MOCS1: variants seen among roughly 807,000 people sequenced by gnomAD.
MOCS1 encodes molybdenum cofactor synthesis 1, also known as molybdenum cofactor biosynthesis protein 1.
Under a neutral mutation model 57.6 loss-of-function variants are expected in MOCS1, and 39 were observed. The observed-to-expected ratio is 0.68, with a 90% CI of 0.52 to 0.88. The LOEUF (loss-of-function observed/expected upper bound fraction) is 0.88, where lower values mean the gene tolerates loss of function less well. Ranked by LOEUF, MOCS1 falls within the 40% of genes least tolerant of loss-of-function variation. MOCS1 has a pLI of 0.00. For synonymous variants in MOCS1, 334 were observed against 335.7 expected (o/e 1.00, Z 0.05); for missense variants, 795 against 831.1 (o/e 0.96, Z 0.53).
intron 1 of MOCS1, among the ~76,000 whole-genome samples, chr6:39,929,697 T>C (rs1768542982): frequency 6.6e-6 from 1 of 151,854 alleles, no homozygotes; most frequent in Non-Finnish European, 1.5e-5. Context: ...TCCCAGCACT[T>C]TGGGAGGCCG....
At chr6:39,927,785 CA>C (rs1272179984) in intron 1 of MOCS1, 46 of 1,409,334 alleles carry the variant, frequency 3.3e-5, no homozygotes, top group Non-Finnish European at 3.7e-5. Context: ...TAGCCAGTGC[CA>C]AAAAAAGGAT....
In MOCS1 at chr6:39,906,373, TC is replaced by T. The variant is rs747994218; in HGVS notation, c.1894del (p.Asp632ThrfsTer24). 6.3e-7 allele frequency: 1 copy of T among 1,595,518 alleles called. No homozygotes were observed. The highest frequency in any genetic ancestry group is 8.6e-7 in the Non-Finnish European group (1 of 1,167,658). On this transcript the variant is annotated frameshift_variant, in exon 11 of 11. Transcript: ENST00000340692. LOFTEE classifies it high-confidence loss of function. ...GGGCAGGTGCTAAGCCCGATGGAAG[TC>T]CCCCCGCTGACCACCAGTCTTGCTA... is the stretch of plus-strand genomic sequence containing the variant. ...LISKTGGQRG[D>X]FHRA
chr6:39,920,432 C>A (rs910711001), intron 3 of MOCS1, among the ~76,000 whole-genome samples: 1 of 152,062 alleles, frequency 6.6e-6, no homozygotes, highest in East Asian at 1.9e-4. Flanking sequence ...AAACTGTATA[C>A]CAAGATATGT....
At chr6:39,916,754 C>T (rs1767680859) in intron 3 of MOCS1, among the ~76,000 whole-genome samples, 1 of 152,114 alleles carries the variant, frequency 6.6e-6, no homozygotes, top group Admixed American at 6.5e-5. Flanking sequence ...TCCATAATAG[C>T]ATTGGAAGGT....
At chr6:39,925,931 A>G in intron 2 of MOCS1, 86 bp from the exon 3 acceptor site, 1 of 1,426,184 alleles carries the variant, frequency 7.0e-7, no homozygotes, top group Non-Finnish European at 9.5e-7. Flanking sequence ...ACTCTCCATC[A>G]GGCCAAAGGC....
At chr6:39,931,862 C>A (rs1328860844) in intron 1 of MOCS1, among the ~76,000 whole-genome samples, 1 of 152,140 alleles carries the variant, frequency 6.6e-6, no homozygotes, top group African/African-American at 2.4e-5. Context: ...CTGCATGGAG[C>A]CTCAGAGGGA....
Position 39,905,189 on chromosome 6 carries a change from T to G in MOCS1, c.*1168A>C, listed in dbSNP as rs769329311. The G allele has an allele frequency of 2.9e-5, 13 of 454,194 alleles. No individual in the cohort carries two copies. Among genetic ancestry groups the G allele is most frequent in the African/African-American group, 6.0e-5 (3 of 50,004 alleles). 28.1% of individuals were successfully genotyped at this position (454,194 alleles called of 1,614,324 possible). A position where few individuals can be genotyped will look rare whatever the true frequency, so the allele number is the denominator to read the frequency against. On this transcript the variant is annotated 3_prime_UTR_variant, in exon 11 of 11. Coordinates refer to ENST00000340692, the MANE Select transcript of MOCS1 (RefSeq NM_001358530.2). Reference sequence around the variant, plus strand: ...CCCAGCAGGCCAGAACTGTGTGTGTTTGGGATGTGAGAACCAGGAGCCTCT... The same window carrying G: ...CCCAGCAGGCCAGAACTGTGTGTGTGTGGGATGTGAGAACCAGGAGCCTCT...
intron 1 of MOCS1, chr6:39,927,789 A>T (rs1768421068): frequency 1.4e-6 from 2 of 1,408,652 alleles, no homozygotes; most frequent in Non-Finnish European, 9.3e-7. Flanking sequence ...CAGTGCCAAA[A>T]AAAGGATTGT....
In MOCS1 at chr6:39,906,672, G is replaced by C; in HGVS notation, c.1596C>G (p.Ala532=). ...CTCCAGCCAGCTGGGCCACCACTAG[G>C]GCATCTCCTTTCTTGAGCTGGTTCT... is the stretch of plus-strand genomic sequence containing the variant. ...VQQNQLKKGD[A]LVVAQLAGVQ... is the part of the protein sequence containing the mutation. The change falls in exon 11 of 11, where the codon GCC becomes GCG. Residue 532 remains alanine, a synonymous_variant. Transcript: ENST00000340692. 1 of 1,614,070 alleles carries C rather than the reference G, an allele frequency of 6.2e-7. No individual in the cohort carries two copies. Among genetic ancestry groups the C allele is most frequent in the South Asian group, 1.1e-5 (1 of 91,072 alleles).
intron 3 of MOCS1, among the ~76,000 whole-genome samples, chr6:39,920,687 C>T (rs1343691938): frequency 1.3e-5 from 2 of 152,066 alleles, no homozygotes; most frequent in African/African-American, 4.8e-5. Flanking sequence ...TTTTAAAAAG[C>T]AAGGGAATAG....
intron 4 of MOCS1, among the ~76,000 whole-genome samples, chr6:39,914,594 G>A (rs1767545349): frequency 6.6e-6 from 1 of 152,012 alleles, no homozygotes. Flanking sequence ...CTGCATCCTG[G>A]CCCCCTCCAG....
chr6:39,913,098 A>C, intron 6 of MOCS1, 94 bp from the exon 7 acceptor site: 1 of 1,035,962 alleles, frequency 9.7e-7, no homozygotes, highest in Non-Finnish European at 1.5e-6. Flanking sequence ...ACAGCATAGC[A>C]ATCAGTTCTC....
At chr6:39,913,272 G>A in intron 6 of MOCS1, 45 bp downstream of exon 6, 3 of 1,546,978 alleles carry the variant, frequency 1.9e-6, no homozygotes, top group Non-Finnish European at 2.7e-6. Flanking sequence ...CGACCTGCAG[G>A]CCCAACCCCT....
At chr6:39,910,242 T>C (rs911197949) in intron 8 of MOCS1, among the ~76,000 whole-genome samples, 2 of 152,196 alleles carry the variant, frequency 1.3e-5, no homozygotes, top group Admixed American at 1.3e-4. Flanking sequence ...AGATAGCATG[T>C]AAAAATCCAG....
In MOCS1 at chr6:39,904,921, G is replaced by A. The variant is rs886061380; in HGVS notation, c.*1436C>T. On this transcript the variant is annotated 3_prime_UTR_variant, in exon 11 of 11. Transcript: ENST00000340692. ...CCTATGAGGGGATCTGGGGTGGGCT[G>A]AGAGTGTGCTGGAGCCAGCTTGTAC... The A allele has an allele frequency of 6.6e-6, 3 of 454,140 alleles. No homozygotes were observed. In the East Asian group the frequency reaches 2.1e-4, roughly 32 times the overall value. 28.1% of individuals were successfully genotyped at this position (454,140 alleles called of 1,614,324 possible).
intron 8 of MOCS1, among the ~76,000 whole-genome samples, chr6:39,910,296 C>T (rs926291983): frequency 6.6e-6 from 1 of 152,232 alleles, no homozygotes; most frequent in Non-Finnish European, 1.5e-5. Flanking sequence ...CACTTTATCA[C>T]CATGAGAATG....
Position 39,927,394 on chromosome 6 carries a change from G to C in MOCS1, c.185C>G (p.Thr62Arg). The C allele has an allele frequency of 6.2e-7, 1 of 1,612,914 alleles. No homozygotes were observed. Reference protein sequence around the residue: ...EHAAPFSAFLTDSFGRQHSYL... With the variant: ...EHAAPFSAFLRDSFGRQHSYL... ...GCTGTGCTGCCGGCCGAAGCTGTCT[G>C]TGAGGAAGGCGGAGAAGGGGGCCGC... is the stretch of plus-strand genomic sequence containing the variant. The change falls in exon 2 of 11, where the codon ACA becomes AGA. Residue 62 changes from threonine to arginine, a missense_variant. This residue lies in a region of MOCS1 where 416 missense variants were observed against 392.4 expected (regional missense o/e 1.06). Transcript: ENST00000340692.
At chr6:39,913,165 A>G in intron 6 of MOCS1, 152 bp downstream of exon 6, 1 of 876,628 alleles carries the variant, frequency 1.1e-6, no homozygotes, top group South Asian at 1.3e-5. Context: ...ATTGAATCAC[A>G]TCCACAGCGG....
At chr6:39,919,156 G>A (rs1253747289) in intron 3 of MOCS1, among the ~76,000 whole-genome samples, 2 of 152,130 alleles carry the variant, frequency 1.3e-5, no homozygotes, top group African/African-American at 2.4e-5. Context: ...CCTTACTGAA[G>A]AAATCAGCGG....
Sources: gnomAD v4.1 joint callset for allele counts (sites outside exome capture counted in the v4.1 genomes callset) on GRCh38, gnomAD v4.1.1 for gene constraint, gnomAD v4.1.1 regional missense constraint, MANE v1.5 for transcripts, NCBI Gene and HGNC (gene_info 2026-07-23, HGNC 2026-07-21) for gene names.